MTHFD1L: variants seen among roughly 807,000 people sequenced by gnomAD.
The protein encoded by MTHFD1L is monofunctional C1-tetrahydrofolate synthase, mitochondrial.
Under a neutral mutation model 119.5 loss-of-function variants are expected in MTHFD1L, and 81 were observed. The ratio of observed to expected loss-of-function variants is 0.68; its 90% confidence interval spans 0.57 to 0.82. The LOEUF (loss-of-function observed/expected upper bound fraction) is 0.82, where lower values mean the gene tolerates loss of function less well. Among genes scored for constraint, MTHFD1L ranks in the 40% least tolerant of loss-of-function variants. MTHFD1L has a pLI of 0.00. For synonymous variants in MTHFD1L, 430 were observed against 475.2 expected (o/e 0.90, Z 1.24); for missense variants, 1,125 against 1,253.4 (o/e 0.90, Z 1.55).
intron 8 of MTHFD1L, among the ~76,000 whole-genome samples, chr6:150,911,383 C>T (rs113646114): frequency 6.6e-5 from 10 of 152,232 alleles, no homozygotes; most frequent in African/African-American, 2.4e-4. Flanking sequence ...ACTAGGATTG[C>T]AACTCTCAAG....
chr6:150,918,538 T>G, intron 8 of MTHFD1L, 39 bp from the exon 9 acceptor site: 1 of 1,347,662 alleles, frequency 7.4e-7, no homozygotes, highest in South Asian at 1.2e-5. Flanking sequence ...GAAATGACAG[T>G]GTACTGAAAG....
chr6:150,916,458 G>A lies in MTHFD1L; in HGVS notation c.893-2119G>A, dbSNP rs548845866. On this transcript the variant is annotated intron_variant, in intron 8 of 27. Coordinates refer to ENST00000367321, the MANE Select transcript of MTHFD1L (RefSeq NM_015440.5). ...TGGGATCACAGGTGTGCACCACCAC[G>A]CCCAGCTAATTTTTTTTTTTTTTTT... Among the ~76,000 whole-genome samples, 298 of 120,924 alleles carry A rather than the reference G, an allele frequency of 2.5e-3. 1 individual carries two copies. The highest frequency in any genetic ancestry group is 3.7e-3 in the Non-Finnish European group (225 of 60,006). The allele number at this position is 120,924 out of a possible 152,430, so 79.3% of individuals were successfully genotyped here. A position where few individuals can be genotyped will look rare whatever the true frequency, so the allele number is the denominator to read the frequency against.
At chr6:151,022,219 G>A (rs1784039616) in intron 24 of MTHFD1L, 1 of 319,554 alleles carries the variant, frequency 3.1e-6, no homozygotes, top group Non-Finnish European at 6.3e-6. Context: ...TTGTTTTTCT[G>A]GTTGGTTCTT....
chr6:151,038,454 GCAGGA>G (rs1786544516), intron 26 of MTHFD1L, among the ~76,000 whole-genome samples: 1 of 152,176 alleles, frequency 6.6e-6, no homozygotes, highest in Admixed American at 6.5e-5. Context: ...GATTGGGATA[GCAGGA>G]CAGGGTCACA....
chr6:151,045,741 C>G (rs1476158712), intron 26 of MTHFD1L, among the ~76,000 whole-genome samples: 1 of 152,168 alleles, frequency 6.6e-6, no homozygotes, highest in Non-Finnish European at 1.5e-5. Flanking sequence ...TCTTCCCTAT[C>G]TCTACATCAG....
At chr6:150,976,472 T>C (rs1303600851) in intron 20 of MTHFD1L, among the ~76,000 whole-genome samples, 5 of 152,196 alleles carry the variant, frequency 3.3e-5, no homozygotes. Context: ...AAAAAGACGT[T>C]CATTTCAACA....
In MTHFD1L at chr6:150,926,423, G is replaced by A. The variant is rs768476905; in HGVS notation, c.1256+128G>A. ...TTTGACATTTCGTCCATTTCATTTG[G>A]CATTTCTTTATTTGGTGTGAGATAA... On this transcript the variant is annotated intron_variant, in intron 11 of 27. Transcript: ENST00000367321. This position sits in a 1 kb window ranked among gnomAD's most constrained non-coding sequence, Gnocchi z 4.3. The A allele has an allele frequency of 2.0e-5, 18 of 914,460 alleles. No homozygotes were observed. The highest frequency in any genetic ancestry group is 2.7e-5 in the Non-Finnish European group (17 of 631,994). The allele number at this position is 914,460 out of a possible 1,614,324, so 56.6% of individuals were successfully genotyped here.
intron 26 of MTHFD1L, among the ~76,000 whole-genome samples, chr6:151,045,698 T>C (rs1787898897): frequency 6.6e-6 from 1 of 152,152 alleles, no homozygotes; most frequent in African/African-American, 2.4e-5. Context: ...GGTTTCCTCC[T>C]CCCCTCCCAG....
At chr6:151,047,469 G>C (rs1234111648) in intron 26 of MTHFD1L, among the ~76,000 whole-genome samples, 1 of 152,064 alleles carries the variant, frequency 6.6e-6, no homozygotes, top group East Asian at 1.9e-4. Flanking sequence ...ATTTTATTAA[G>C]CCCCTAGAAG....
At chr6:150,998,642 G>C (rs57106670) in intron 20 of MTHFD1L, among the ~76,000 whole-genome samples, 3 of 148,024 alleles carry the variant, frequency 2.0e-5, no homozygotes, top group Non-Finnish European at 4.5e-5. Context: ...GTTGCAGTCA[G>C]CATGCAGTTA....
intron 4 of MTHFD1L, among the ~76,000 whole-genome samples, chr6:150,878,104 G>A (rs1474934843): frequency 2.0e-5 from 3 of 152,234 alleles, no homozygotes; most frequent in Non-Finnish European, 4.4e-5. Context: ...AAATTGTCAG[G>A]CCGAGGCGAG....
rs1382792309 is a variant in MTHFD1L at position 150,937,019 on chromosome 6, TAA to T, written c.1393+81_1393+82del. 3.3e-6 allele frequency: 5 copies of T among 1,531,700 alleles called. No homozygotes were observed. In the African/African-American group the frequency reaches 4.1e-5, roughly 13 times the overall value. The allele number at this position is 1,531,700 out of a possible 1,614,324, so 94.9% of individuals were successfully genotyped here. A position where few individuals can be genotyped will look rare whatever the true frequency, so the allele number is the denominator to read the frequency against. ...TTGTAAAAAGAACATTGTCAACAGA[TAA>T]AGAGTTAAGACTTTTCAGGGGACTT... On this transcript the variant is annotated intron_variant, in intron 12 of 27. Coordinates refer to ENST00000367321, the MANE Select transcript of MTHFD1L (RefSeq NM_015440.5).
intron 10 of MTHFD1L, among the ~76,000 whole-genome samples, chr6:150,922,608 T>A (rs1789151992): frequency 6.6e-6 from 1 of 151,162 alleles, no homozygotes; most frequent in Non-Finnish European, 1.5e-5. Flanking sequence ...ATTTCAATGA[T>A]GTTTCCTATA....
At chr6:151,092,282 C>T (rs1794521629) in intron 26 of MTHFD1L, among the ~76,000 whole-genome samples, 185 bp from the exon 27 acceptor site, 2 of 152,040 alleles carry the variant, frequency 1.3e-5, no homozygotes, top group African/African-American at 4.8e-5. Flanking sequence ...TTGACATTTG[C>T]CTTTTCTACT....
At chr6:151,051,653 C>A (rs1384410633) in intron 26 of MTHFD1L, among the ~76,000 whole-genome samples, 1 of 152,176 alleles carries the variant, frequency 6.6e-6, no homozygotes, top group Non-Finnish European at 1.5e-5. Flanking sequence ...CCATACCCCC[C>A]CAGAGGCAGC....
intron 20 of MTHFD1L, among the ~76,000 whole-genome samples, chr6:150,980,224 G>T (rs1777248658): frequency 6.6e-6 from 1 of 152,192 alleles, no homozygotes; most frequent in African/African-American, 2.4e-5. Flanking sequence ...GCTAATCACA[G>T]GTCGTGTTTT....
intron 20 of MTHFD1L, among the ~76,000 whole-genome samples, chr6:151,000,487 A>G (rs930443011): frequency 1.3e-5 from 2 of 152,238 alleles, no homozygotes; most frequent in Admixed American, 6.5e-5. Context: ...TGTTGAATAG[A>G]CAAATCCTAA....
At chr6:150,942,582 T>C (rs1228919908) in intron 13 of MTHFD1L, among the ~76,000 whole-genome samples, 1 of 152,058 alleles carries the variant, frequency 6.6e-6, no homozygotes, top group Non-Finnish European at 1.5e-5. Flanking sequence ...CATTAAAAAA[T>C]GGGGGGATAA....
chr6:151,091,103 G>A (rs1029454563), intron 26 of MTHFD1L, among the ~76,000 whole-genome samples: 10 of 145,714 alleles, frequency 6.9e-5, no homozygotes, highest in Middle Eastern at 3.4e-3. Flanking sequence ...CGTTCCATGC[G>A]ACTGGGTACA....
Sources: allele counts gnomAD v4.1 joint callset (sites outside exome capture counted in the v4.1 genomes callset), GRCh38; gene constraint gnomAD v4.1.1; non-coding constraint Gnocchi (gnomAD v3.1); transcripts MANE v1.5; gene names NCBI Gene and HGNC (gene_info 2026-07-23, HGNC 2026-07-21).